The following MAGI3 variants were observed in gnomAD, a reference collection of about 807,000 sequenced individuals.
The protein encoded by MAGI3 is membrane associated guanylate kinase, WW and PDZ domain containing 3, also known as membrane-associated guanylate kinase, WW and PDZ domain-containing protein 3.
Under a neutral mutation model 121.8 loss-of-function variants are expected in MAGI3, and 43 were observed. That is an observed-to-expected ratio of 0.35 (90% confidence interval 0.28 to 0.46). MAGI3 has a LOEUF of 0.46. Among genes scored for constraint, MAGI3 ranks in the 20% least tolerant of loss-of-function variants. MAGI3 has a pLI of 1.00. For missense variants in MAGI3, 1,547 were observed against 1,797.3 expected, an observed-to-expected ratio of 0.86 and a Z score of 2.52; for synonymous variants, 553 against 639.3, an observed-to-expected ratio of 0.86 and a Z score of 2.04.
intron 2 of MAGI3, among the ~76,000 whole-genome samples, chr1:113,560,408 A>C (rs1279129287): frequency 7.5e-6 from 1 of 132,840 alleles, no homozygotes; most frequent in African/African-American, 2.8e-5. Flanking sequence ...AACAAACAAA[A>C]AAAACCAAAA....
chr1:113,682,647 C>CTAAT (rs1648289163), intron 20 of MAGI3: 1 of 974,986 alleles, frequency 1.0e-6, no homozygotes, highest in African/African-American at 1.8e-5. Flanking sequence ...TATTATCTCA[C>CTAAT]TAATTATATG....
intron 1 of MAGI3, among the ~76,000 whole-genome samples, chr1:113,480,010 T>C (rs1028361014): frequency 6.6e-6 from 1 of 152,220 alleles, no homozygotes; most frequent in South Asian, 2.1e-4. Flanking sequence ...CCTGACTTCA[T>C]TTAATTTTCT....
chr1:113,672,031 C>G (rs993431383), intron 17 of MAGI3, among the ~76,000 whole-genome samples, 195 bp downstream of exon 17: 1 of 152,236 alleles, frequency 6.6e-6, no homozygotes, highest in Non-Finnish European at 1.5e-5. Context: ...ACCTTCGTCC[C>G]TCTTCCAGCC....
chr1:113,594,453 G>A (rs746196290), intron 5 of MAGI3, 28 bp from the exon 6 acceptor site: 2 of 1,552,148 alleles, frequency 1.3e-6, no homozygotes, highest in Middle Eastern at 1.7e-4. Context: ...TTATTTTACT[G>A]TTTCTAATTA....
chr1:113,663,736 C>T (rs11803395), intron 16 of MAGI3, among the ~76,000 whole-genome samples: 50 of 152,094 alleles, frequency 3.3e-4, no homozygotes, highest in Non-Finnish European at 5.6e-4. Context: ...ATTGTTGGGT[C>T]GCATGGTAAC....
At chr1:113,550,672 CTTGAACCTAGGA>C (rs1175673085) in intron 2 of MAGI3, among the ~76,000 whole-genome samples, 2 of 150,496 alleles carry the variant, frequency 1.3e-5, no homozygotes, top group Non-Finnish European at 3.0e-5. Flanking sequence ...AGGAGAATCG[CTTGAACCTAGGA>C]GGCGGAGATT....
In MAGI3 at chr1:113,612,304, A is replaced by G. The variant is rs568746205; in HGVS notation, c.1019-2297A>G. On this transcript the variant is annotated intron_variant, in intron 6 of 20. Transcript: ENST00000307546. ...ATAGCAATCTTACCAGGCAATTGGT[A>G]TTCCTCTGCACTCCCCAAAAAAGAT... 9.9e-5 allele frequency among the ~76,000 whole-genome samples: 15 copies of G among 152,276 alleles called. No individual in the cohort carries two copies. The East Asian group carries it at 2.5e-3, about 25-fold the overall frequency.
Position 113,474,994 on chromosome 1 carries a change from T to C in MAGI3, c.317-74521T>C, listed in dbSNP as rs542102853. On this transcript the variant is annotated intron_variant, in intron 1 of 20. Coordinates refer to ENST00000307546, the MANE Select transcript of MAGI3 (RefSeq NM_001142782.2). ...GGATTCCTAGGTATTTTATTCTCTT[T>C]GTAGCAATTGTGAATGGGAGTTCAC... Among the ~76,000 whole-genome samples the C allele has an allele frequency of 2.5e-4, 38 of 152,328 alleles. No individual in the cohort carries two copies. In the South Asian group the frequency reaches 7.9e-3, roughly 32 times the overall value.
chr1:113,548,778 A>C lies in MAGI3; in HGVS notation c.317-737A>C, dbSNP rs560218002. 6.1e-4 allele frequency among the ~76,000 whole-genome samples: 93 copies of C among 152,382 alleles called. 1 individual carries two copies. The highest frequency in any genetic ancestry group is 2.2e-3 in the African/African-American group (92 of 41,594). ...GGCTTCTAAGTGGTGGGCAGCAGGA[A>C]GGAGACAAGAATGATGCCGATTAGA... On this transcript the variant is annotated intron_variant, in intron 1 of 20. Transcript: ENST00000307546.
At chr1:113,581,282 T>A (rs1648006201) in intron 3 of MAGI3, among the ~76,000 whole-genome samples, 1 of 152,102 alleles carries the variant, frequency 6.6e-6, no homozygotes, top group African/African-American at 2.4e-5. Flanking sequence ...TTCATACTAT[T>A]ATAATTGCCT....
In MAGI3 at chr1:113,537,540, T is replaced by C. The variant is rs543847618; in HGVS notation, c.317-11975T>C. Among the ~76,000 whole-genome samples, 3 of 152,292 alleles carry C rather than the reference T, an allele frequency of 2.0e-5. No individual in the cohort carries two copies. The South Asian group carries it at 6.2e-4, about 32-fold the overall frequency. ...CCTTCAGTCCTGCCGTGCTTTCTGA[T>C]AGCTCACGTAAACTGGGGATGTCAG... On this transcript the variant is annotated intron_variant, in intron 1 of 20. Transcript: ENST00000307546.
At chr1:113,405,910 C>T (rs1360107061) in intron 1 of MAGI3, among the ~76,000 whole-genome samples, 2 of 152,016 alleles carry the variant, frequency 1.3e-5, no homozygotes, top group African/African-American at 4.8e-5. Context: ...GGTATAAACC[C>T]AGAGTGGTAT....
chr1:113,654,657 T>G (rs902008442), intron 15 of MAGI3, among the ~76,000 whole-genome samples: 2 of 152,144 alleles, frequency 1.3e-5, no homozygotes, highest in South Asian at 2.1e-4. Context: ...AGTTCCATGA[T>G]CAAAGGAGGA....
chr1:113,585,262 C>G, intron 3 of MAGI3, 125 bp from the exon 4 acceptor site: 1 of 821,558 alleles, frequency 1.2e-6, no homozygotes, highest in East Asian at 2.7e-5. Context: ...GCCACCATGC[C>G]CACCCCTATG....
intron 6 of MAGI3, among the ~76,000 whole-genome samples, chr1:113,611,965 T>TTATTTATG (rs1650176270): frequency 6.6e-6 from 1 of 151,854 alleles, no homozygotes; most frequent in Non-Finnish European, 1.5e-5. Context: ...ATTTATTTAT[T>TTATTTATG]TATTTGACTC....
chr1:113,473,309 G>A (rs1028874594), intron 1 of MAGI3, among the ~76,000 whole-genome samples: 5 of 151,704 alleles, frequency 3.3e-5, no homozygotes, highest in Non-Finnish European at 5.9e-5. Flanking sequence ...TGTGCACAAC[G>A]TGCAGGTTTG....
At chr1:113,520,904 G>C (rs909112385) in intron 1 of MAGI3, among the ~76,000 whole-genome samples, 4 of 151,746 alleles carry the variant, frequency 2.6e-5, no homozygotes, top group Non-Finnish European at 4.4e-5. Flanking sequence ...ACCTGGCATA[G>C]TGTCCTGTTT....
chr1:113,535,867 A>G (rs985117321), intron 1 of MAGI3, among the ~76,000 whole-genome samples: 8 of 152,134 alleles, frequency 5.3e-5, no homozygotes, highest in East Asian at 1.9e-4. Context: ...CGTCTCACCA[A>G]CATATCAAAA....
chr1:113,401,751 G>A (rs889917532), intron 1 of MAGI3, among the ~76,000 whole-genome samples: 1 of 152,160 alleles, frequency 6.6e-6, no homozygotes, highest in Admixed American at 6.6e-5. Flanking sequence ...TCTTTTATAA[G>A]TATGCAGACC....
Sources: gnomAD v4.1 joint callset for allele counts (sites outside exome capture counted in the v4.1 genomes callset) on GRCh38, gnomAD v4.1.1 for gene constraint, MANE v1.5 for transcripts, NCBI Gene and HGNC (gene_info 2026-07-23, HGNC 2026-07-21) for gene names.